Variants in CDC42BPA observed in about 807,000 individuals in gnomAD.
CDC42BPA encodes serine/threonine-protein kinase MRCK alpha.
CDC42BPA carries 80 observed loss-of-function variants against 223.5 expected under a neutral mutation model. The observed-to-expected ratio is 0.36, with a 90% CI of 0.30 to 0.43. The LOEUF (loss-of-function observed/expected upper bound fraction) is 0.43. Ranked by LOEUF, CDC42BPA falls within the 20% of genes least tolerant of loss-of-function variation. CDC42BPA has a pLI of 1.00. For missense variants in CDC42BPA, 1,743 were observed against 2,099.9 expected, an observed-to-expected ratio of 0.83 and a Z score of 3.32; for synonymous variants, 694 against 718.6, an observed-to-expected ratio of 0.97 and a Z score of 0.55.
intron 2 of CDC42BPA, among the ~76,000 whole-genome samples, chr1:227,247,960 A>G (rs1261383457): frequency 1.3e-5 from 2 of 152,104 alleles, no homozygotes. Context: ...CTGACATGTT[A>G]AAGAATGTAT....
In CDC42BPA at chr1:227,073,883, A is replaced by G; in HGVS notation, c.2716T>C (p.Ser906Pro). ...IQEELNKVKASNIITECKLKD... is the reference protein window; with the variant it reads ...IQEELNKVKAPNIITECKLKD... ...TCTTACCATTCTGTTATGATATTAG[A>G]TGCTTTAACTTTATTCAACTCTTCT... Residue 906 changes from serine to proline, a missense_variant, in exon 19 of 37, where the codon TCT becomes CCT. By Grantham distance (74) the Ser-to-Pro change is moderately conservative (BLOSUM62 -1). Coordinates refer to ENST00000366766, the MANE Select transcript of CDC42BPA (RefSeq NM_001394014.1). The G allele has an allele frequency of 6.2e-7, 1 of 1,600,118 alleles. No homozygotes were observed. Among genetic ancestry groups the G allele is most frequent in the Non-Finnish European group, 8.5e-7 (1 of 1,175,844 alleles).
intron 3 of CDC42BPA, 135 bp downstream of exon 3, chr1:227,213,001 T>G (rs1572400857): frequency 1.6e-5 from 8 of 507,834 alleles, no homozygotes; most frequent in East Asian, 1.3e-4. Context: ...TGTGTTGAAT[T>G]TGTCTTTTAT....
chr1:227,184,756 A>C (rs1282716179), intron 5 of CDC42BPA, among the ~76,000 whole-genome samples: 1 of 152,180 alleles, frequency 6.6e-6, no homozygotes, highest in Non-Finnish European at 1.5e-5. Flanking sequence ...CACCTCATGA[A>C]AGAACATGAA....
chr1:227,202,594 T>C (rs1456214304), intron 3 of CDC42BPA, among the ~76,000 whole-genome samples: 1 of 152,102 alleles, frequency 6.6e-6, no homozygotes, highest in Non-Finnish European at 1.5e-5. Flanking sequence ...TAATCTATGC[T>C]AATCTGTTTA....
At chr1:227,206,067 A>C (rs1035737188) in intron 3 of CDC42BPA, among the ~76,000 whole-genome samples, 4 of 152,220 alleles carry the variant, frequency 2.6e-5, no homozygotes, top group Non-Finnish European at 4.4e-5. Context: ...AATGTTTTTA[A>C]AAGGTTTTAT....
chr1:227,052,075 GACA>G (rs915432614), intron 21 of CDC42BPA, 90 bp from the exon 22 acceptor site: 8 of 628,816 alleles, frequency 1.3e-5, no homozygotes, highest in East Asian at 5.7e-5. Flanking sequence ...GCATGATTAT[GACA>G]ACATTTCTTG....
intron 3 of CDC42BPA, among the ~76,000 whole-genome samples, chr1:227,210,664 A>C (rs533234322): frequency 1.3e-5 from 2 of 152,330 alleles, no homozygotes; most frequent in South Asian, 4.1e-4. Context: ...CATTGAAAAA[A>C]GTATAAACTT....
intron 5 of CDC42BPA, among the ~76,000 whole-genome samples, chr1:227,183,910 T>A (rs1668348815): frequency 6.6e-6 from 1 of 152,222 alleles, no homozygotes; most frequent in Non-Finnish European, 1.5e-5. Flanking sequence ...TAATAATATC[T>A]CATTATGGTT....
intron 21 of CDC42BPA, among the ~76,000 whole-genome samples, chr1:227,065,772 A>AT (rs1290364611): frequency 6.6e-6 from 1 of 152,162 alleles, no homozygotes; most frequent in African/African-American, 2.4e-5. Flanking sequence ...AGCTCCAACA[A>AT]ATCAGAGGGC....
intron 23 of CDC42BPA, among the ~76,000 whole-genome samples, chr1:227,045,161 T>A (rs1211763774): frequency 6.6e-6 from 1 of 152,240 alleles, no homozygotes; most frequent in Non-Finnish European, 1.5e-5. Flanking sequence ...TAATTAAGTT[T>A]CCTTAGAAAG....
intron 30 of CDC42BPA, among the ~76,000 whole-genome samples, chr1:227,027,530 C>A (rs923671343): frequency 6.6e-6 from 1 of 152,170 alleles, no homozygotes; most frequent in Admixed American, 6.5e-5. Context: ...ATGTAGTTCC[C>A]TAGGGTTTTT....
At chr1:227,030,517 T>C (rs904431653) in intron 28 of CDC42BPA, 47 bp from the exon 29 acceptor site, 2 of 1,162,658 alleles carry the variant, frequency 1.7e-6, no homozygotes, top group African/African-American at 1.6e-5. Flanking sequence ...AAAAAAACCA[T>C]GTAATGCTAA....
Position 227,294,581 on chromosome 1 carries a change from CCGGGCGCG to C in CDC42BPA, c.178+22416_178+22423del, listed in dbSNP as rs1455169777. Among the ~76,000 whole-genome samples, 129 of 135,252 alleles carry C rather than the reference CCGGGCGCG, an allele frequency of 9.5e-4. 21 individuals carry two copies. The highest frequency in any genetic ancestry group is 9.6e-4 in the Non-Finnish European group (60 of 62,342). The allele number at this position is 135,252 out of a possible 152,430, so 88.7% of individuals were successfully genotyped here. A position where few individuals can be genotyped will look rare whatever the true frequency, so the allele number is the denominator to read the frequency against. ...ACTGAAGCAAAAAGAGGTTAATTGG[CCGGGCGCG>C]GTGGCTCACGCCTGTAATCCCAGCA... On this transcript the variant is annotated intron_variant, in intron 1 of 36. Coordinates refer to ENST00000366766, the MANE Select transcript of CDC42BPA (RefSeq NM_001394014.1).
At chr1:227,238,348 A>AAAC (rs1558840402) in intron 2 of CDC42BPA, among the ~76,000 whole-genome samples, 3 of 151,314 alleles carry the variant, frequency 2.0e-5, no homozygotes, top group Non-Finnish European at 4.4e-5. Context: ...TCTCATTAAA[A>AAAC]AAACAAACAA....
intron 30 of CDC42BPA, among the ~76,000 whole-genome samples, chr1:227,026,421 A>T (rs1572336250): frequency 6.6e-6 from 1 of 152,210 alleles, no homozygotes; most frequent in African/African-American, 2.4e-5. Flanking sequence ...TTTGCCCAAC[A>T]TGAGTTCTAT....
intron 16 of CDC42BPA, among the ~76,000 whole-genome samples, chr1:227,089,446 G>GT (rs1173633782): frequency 6.6e-6 from 1 of 152,150 alleles, no homozygotes; most frequent in Non-Finnish European, 1.5e-5. Flanking sequence ...TTGAACAAAA[G>GT]TTTGAGAAAC....
chr1:227,251,162 C>A (rs559228540), intron 2 of CDC42BPA, among the ~76,000 whole-genome samples: 196 of 151,228 alleles, frequency 1.3e-3, no homozygotes, highest in Non-Finnish European at 2.5e-3. Flanking sequence ...TGTGGGTAAA[C>A]CTAAATAAAT....
At chr1:227,313,061 C>A (rs773928865) in intron 1 of CDC42BPA, among the ~76,000 whole-genome samples, 6 of 152,036 alleles carry the variant, frequency 3.9e-5, no homozygotes, top group Non-Finnish European at 8.8e-5. Flanking sequence ...ACTAACAAAA[C>A]CCTGTCTCTA....
chr1:227,017,213 C>T (rs773295993), intron 32 of CDC42BPA, among the ~76,000 whole-genome samples, 163 bp from the exon 33 acceptor site: 9 of 152,070 alleles, frequency 5.9e-5, no homozygotes, highest in Non-Finnish European at 1.0e-4. Flanking sequence ...TTAACAGAAC[C>T]TATGTAAACA....
Sources: allele counts gnomAD v4.1 joint callset (sites outside exome capture counted in the v4.1 genomes callset), GRCh38; gene constraint gnomAD v4.1.1; transcripts MANE v1.5; gene names NCBI Gene and HGNC (gene_info 2026-07-23, HGNC 2026-07-21).